The following ULK4 variants were observed in gnomAD, a reference collection of about 807,000 sequenced individuals.
ULK4 encodes the protein inactive serine/threonine-protein kinase ULK4.
In ULK4, 133 loss-of-function variants were observed where a neutral mutation model predicts 160.6. That is an observed-to-expected ratio of 0.83 (90% confidence interval 0.72 to 0.96). ULK4 has a LOEUF of 0.96. ULK4 is among the 40% of genes least tolerant of loss of function. The pLI is 0.00. For synonymous variants in ULK4, 534 were observed against 539.8 expected (o/e 0.99, Z 0.15); for missense variants, 1,580 against 1,499.5 (o/e 1.05, Z -0.89).
intron 30 of ULK4, among the ~76,000 whole-genome samples, chr3:41,633,488 A>G (rs773195580): frequency 2.6e-5 from 4 of 152,152 alleles, no homozygotes; most frequent in Non-Finnish European, 5.9e-5. Flanking sequence ...AATATTTACT[A>G]TCTAGCCATT....
At chr3:41,810,477 A>G (rs532755351) in intron 19 of ULK4, among the ~76,000 whole-genome samples, 15 of 152,160 alleles carry the variant, frequency 9.9e-5, no homozygotes, top group Non-Finnish European at 2.2e-4. Flanking sequence ...GTTACCTAAT[A>G]GTCAAGAATG....
At chr3:41,543,071 A>T (rs1165606232) in intron 32 of ULK4, among the ~76,000 whole-genome samples, 1 of 152,096 alleles carries the variant, frequency 6.6e-6, no homozygotes, top group Non-Finnish European at 1.5e-5. Context: ...AATTTTGCCC[A>T]AAGCAAGTAA....
chr3:41,420,475 C>CTTTTTTTTTTTTTTT lies in ULK4; in HGVS notation c.3493-22226_3493-22212dup, dbSNP rs1165381982. On this transcript the variant is annotated intron_variant, in intron 34 of 36. Transcript: ENST00000301831. ...GGATTTTTCAGTTTTCCAGTTCTTT[C>CTTTTTTTTTTTTTTT]TTTTTTTTTTTTTTTTTTTTTTTTT... is the stretch of plus-strand genomic sequence containing the variant. 7.6e-3 allele frequency among the ~76,000 whole-genome samples: 314 copies of CTTTTTTTTTTTTTTT among 41,186 alleles called. 32 individuals are homozygous for CTTTTTTTTTTTTTTT. The highest frequency in any genetic ancestry group is 8.7e-3 in the Non-Finnish European group (211 of 24,334). The allele number at this position is 41,186 out of a possible 152,430, so 27.0% of individuals were successfully genotyped here. A position where few individuals can be genotyped will look rare whatever the true frequency, so the allele number is the denominator to read the frequency against.
intron 32 of ULK4, among the ~76,000 whole-genome samples, chr3:41,536,895 A>C (rs1278676115): frequency 6.6e-6 from 1 of 152,164 alleles, no homozygotes; most frequent in African/African-American, 2.4e-5. Context: ...AAATGTTTCT[A>C]AACAGTACCA....
At chr3:41,478,547 T>C (rs1326093776) in intron 32 of ULK4, among the ~76,000 whole-genome samples, 1 of 152,214 alleles carries the variant, frequency 6.6e-6, no homozygotes, top group Non-Finnish European at 1.5e-5. Context: ...CTGTCCCAAG[T>C]GAGTGCCATG....
chr3:41,887,615 T>C (rs1172183480), intron 16 of ULK4, among the ~76,000 whole-genome samples: 1 of 152,032 alleles, frequency 6.6e-6, no homozygotes, highest in African/African-American at 2.4e-5. Context: ...AGGTCAGAAG[T>C]TCAAGGCCAG....
chr3:41,802,137 C>G (rs1320414456), intron 19 of ULK4, among the ~76,000 whole-genome samples: 1 of 151,810 alleles, frequency 6.6e-6, no homozygotes, highest in East Asian at 1.9e-4. Context: ...AGCAGAACTG[C>G]ACTACAAAAA....
intron 32 of ULK4, among the ~76,000 whole-genome samples, chr3:41,484,389 G>A (rs2125899761): frequency 6.6e-6 from 1 of 152,020 alleles, no homozygotes; most frequent in Admixed American, 6.5e-5. Flanking sequence ...CCCCTGGACT[G>A]GGCGCCTGGA....
chr3:41,848,182 TAAAC>T (rs1475825903), intron 17 of ULK4, among the ~76,000 whole-genome samples: 2 of 152,302 alleles, frequency 1.3e-5, no homozygotes, highest in Admixed American at 6.5e-5. Flanking sequence ...GGCCTAAATG[TAAAC>T]AAACAACCTG....
chr3:41,549,976 A>C (rs1160271466), intron 32 of ULK4, among the ~76,000 whole-genome samples: 2 of 152,132 alleles, frequency 1.3e-5, no homozygotes. Flanking sequence ...ATCCTTCAAA[A>C]TGTAAGACAA....
At chr3:41,925,062 A>C (rs1308224397) in intron 5 of ULK4, among the ~76,000 whole-genome samples, 9 of 152,114 alleles carry the variant, frequency 5.9e-5, no homozygotes, top group African/African-American at 1.9e-4. Flanking sequence ...CCCCGGCCCC[A>C]CCTCACATAC....
At chr3:41,281,183 C>A (rs2079345388) in intron 35 of ULK4, among the ~76,000 whole-genome samples, 1 of 152,118 alleles carries the variant, frequency 6.6e-6, no homozygotes, top group Non-Finnish European at 1.5e-5. Context: ...CAAAGAAAGT[C>A]CAGGACCAGA....
At chr3:41,789,133 T>C (rs1010201752) in intron 21 of ULK4, among the ~76,000 whole-genome samples, 11 of 152,160 alleles carry the variant, frequency 7.2e-5, no homozygotes, top group Non-Finnish European at 1.0e-4. Flanking sequence ...TGTTTATCAC[T>C]ATACAGTTCT....
At chr3:41,917,988 AAAATAAATAAAT>A (rs150895020) in intron 7 of ULK4, among the ~76,000 whole-genome samples, 2,432 of 147,814 alleles carry the variant, frequency 0.016, 60 homozygotes, top group African/African-American at 0.057. Context: ...CTCTGTCTCA[AAAATAAATAAAT>A]AAATAAATAA....
At chr3:41,485,146 TTAAG>T (rs2084479053) in intron 32 of ULK4, among the ~76,000 whole-genome samples, 1 of 152,054 alleles carries the variant, frequency 6.6e-6, no homozygotes, top group Non-Finnish European at 1.5e-5. Flanking sequence ...ACTCAGGAGG[TTAAG>T]TAACTTTCCC....
intron 30 of ULK4, among the ~76,000 whole-genome samples, chr3:41,655,214 C>T (rs1028441521): frequency 6.6e-6 from 1 of 151,910 alleles, no homozygotes; most frequent in Non-Finnish European, 1.5e-5. Flanking sequence ...AGGATGAGTT[C>T]ATGTCCTTTG....
intron 18 of ULK4, among the ~76,000 whole-genome samples, chr3:41,831,531 A>ATTTTTTTTTTTT: frequency 7.2e-6 from 1 of 138,064 alleles, no homozygotes; most frequent in Non-Finnish European, 1.5e-5. Flanking sequence ...ATATATATAT[A>ATTTTTTTTTTTT]TTTTTTTTTC....
intron 19 of ULK4, among the ~76,000 whole-genome samples, chr3:41,806,579 GGT>G (rs2040650093): frequency 6.6e-6 from 1 of 151,754 alleles, no homozygotes; most frequent in Non-Finnish European, 1.5e-5. Flanking sequence ...GTGATGTTAG[GGT>G]GTCAATTTTG....
rs191209728 is a variant in ULK4, at chr3:41,345,455, T to C, written c.3678+52624A>G. Among the ~76,000 whole-genome samples the C allele has an allele frequency of 4.7e-4, 72 of 152,284 alleles. 1 individual carries two copies. The highest frequency in any genetic ancestry group is 1.7e-3 in the African/African-American group (71 of 41,560). On this transcript the variant is annotated intron_variant, in intron 35 of 36. Coordinates refer to ENST00000301831, the MANE Select transcript of ULK4 (RefSeq NM_017886.4). The stretch of plus-strand genomic sequence containing the variant: ...AATACTATGCAGCCATAAAAAGGAA[T>C]GAGATCATGTCCTTTGCAAGGACAT...
Sources: allele counts gnomAD v4.1 joint callset (sites outside exome capture counted in the v4.1 genomes callset), GRCh38; gene constraint gnomAD v4.1.1; transcripts MANE v1.5; gene names NCBI Gene and HGNC (gene_info 2026-07-23, HGNC 2026-07-21).